The following VWA7 variants were observed in gnomAD, a reference collection of about 807,000 sequenced individuals.
VWA7 encodes von Willebrand factor A domain containing 7.
A neutral mutation model predicts 83.1 loss-of-function variants in VWA7; 66 were observed. The observed-to-expected ratio is 0.79, with a 90% CI of 0.65 to 0.98. The LOEUF is 0.98. Among genes scored for constraint, VWA7 ranks in the 50% least tolerant of loss-of-function variants. The pLI, the probability that VWA7 is intolerant of heterozygous loss-of-function variation, is 0.00. For missense variants in VWA7, 1,080 were observed against 1,160.2 expected (o/e 0.93, Z 1.00); for synonymous variants, 424 against 488.5 (o/e 0.87, Z 1.74).
chr6:31,771,882 T>G (rs1050312283), intron 7 of VWA7: 1 of 147,778 alleles, frequency 6.8e-6, no homozygotes, highest in Admixed American at 7.0e-5. Flanking sequence ...TCCCAGCTAC[T>G]CAGGAGGCTG....
intron 10 of VWA7, 110 bp downstream of exon 10, chr6:31,768,908 G>T: frequency 8.2e-7 from 1 of 1,214,246 alleles, no homozygotes; most frequent in Non-Finnish European, 1.1e-6. Flanking sequence ...CCTGCCCCGT[G>T]ACTGGAAGAA....
intron 4 of VWA7, 50 bp from the exon 5 acceptor site, chr6:31,774,676 T>C: frequency 6.7e-7 from 1 of 1,502,994 alleles, no homozygotes; most frequent in Non-Finnish European, 9.1e-7. Context: ...ACCCCCAGCC[T>C]TTATCCCCAC....
chr6:31,770,975 C>T (rs1338545747), intron 7 of VWA7, among the ~76,000 whole-genome samples: 4 of 142,586 alleles, frequency 2.8e-5, no homozygotes, highest in African/African-American at 1.0e-4. Context: ...GCACTCCAAC[C>T]TGGGTGACAG....
chr6:31,770,042 C>T lies in VWA7; in HGVS notation c.1159G>A (p.Gly387Arg), dbSNP rs139629177. Residue 387 changes from glycine (G) to arginine (R), a missense_variant, in exon 8 of 17, where the codon GGG becomes AGG. Coordinates refer to ENST00000375688, the MANE Select transcript of VWA7 (RefSeq NM_025258.3). ...WQQLNEIHAL[G>R]GGDEPEMCLS... ...CACATCTCAGGCTCGTCTCCACCCC[C>T]CAAGGCATGGATCTCATTAAGCTGT... 28 of 1,612,882 alleles carry T rather than the reference C, an allele frequency of 1.7e-5. No homozygotes were observed. Among genetic ancestry groups the T allele is most frequent in the South Asian group, 7.7e-5 (7 of 91,076 alleles).
At position 31,775,231 on chromosome 6, in the gene VWA7, A is replaced by C; in HGVS notation, c.610+102T>G. 9.8e-7 allele frequency: 1 copy of C among 1,023,832 alleles called. No individual in the cohort carries two copies. The highest frequency in any genetic ancestry group is 1.4e-6 in the Non-Finnish European group (1 of 715,110). 63.4% of individuals were successfully genotyped at this position (1,023,832 alleles called of 1,614,324 possible). A position where few individuals can be genotyped will look rare whatever the true frequency, so the allele number is the denominator to read the frequency against. On this transcript the variant is annotated intron_variant, in intron 4 of 16. Transcript: ENST00000375688. The surrounding 1 kb of genome is among the most constrained non-coding windows in gnomAD (Gnocchi z 5.9). ...GGGACCTCAGTCCTTGTGGAGATTA[A>C]GTAACATCATACCCTCTGGGACTTC... is the stretch of plus-strand genomic sequence containing the variant.
In VWA7 at chr6:31,775,470, T is replaced by C. The variant is rs1372539895; in HGVS notation, c.514-41A>G. ...GGAGAAGGGGAGTGAGGCACTAGTC[T>C]GGCCTTTCTCACCATCTCCAGCACT... On this transcript the variant is annotated intron_variant, in intron 3 of 16. Coordinates refer to ENST00000375688, the MANE Select transcript of VWA7 (RefSeq NM_025258.3). This position sits in a 1 kb window ranked among gnomAD's most constrained non-coding sequence, Gnocchi z 5.9. 6.4e-7 allele frequency: 1 copy of C among 1,569,316 alleles called. No homozygotes were observed. The highest frequency in any genetic ancestry group is 1.4e-5 in the African/African-American group (1 of 73,932).
chr6:31,768,867 C>A, intron 10 of VWA7, 151 bp downstream of exon 10: 1 of 866,388 alleles, frequency 1.2e-6, no homozygotes, highest in Non-Finnish European at 1.7e-6. Context: ...AGTGGCTAGT[C>A]ATGGATCTAA....
Position 31,769,311 on chromosome 6 carries a change from G to A in VWA7, c.1318-108C>T, listed in dbSNP as rs1271915864. ...CTCCAGAGCTGATGGTTTGTGATAA[G>A]GTCTCTGCCTGCCTTCTGGCTGCTG... On this transcript the variant is annotated intron_variant, in intron 9 of 16. Transcript: ENST00000375688. The surrounding 1 kb of genome is among the most constrained non-coding windows in gnomAD (Gnocchi z 4.5). 1.3e-5 allele frequency: 17 copies of A among 1,355,474 alleles called. No individual in the cohort carries two copies. Among genetic ancestry groups the A allele is most frequent in the African/African-American group, 1.4e-5 (1 of 69,096 alleles). The allele number at this position is 1,355,474 out of a possible 1,614,324, so 84.0% of individuals were successfully genotyped here.
intron 7 of VWA7, among the ~76,000 whole-genome samples, chr6:31,772,584 C>CTTTTTTTTTTTTTTTTTTTTT (rs9279415): frequency 1.1e-3 from 38 of 35,078 alleles, no homozygotes; most frequent in East Asian, 2.4e-3. Flanking sequence ...TCTTTCTTTT[C>CTTTTTTTTTTTTTTTTTTTTT]TTTTTTTTTT....
intron 13 of VWA7, 29 bp downstream of exon 13, chr6:31,767,125 TTAGG>T (rs1295057031): frequency 1.4e-6 from 1 of 691,854 alleles, no homozygotes; most frequent in Non-Finnish European, 2.3e-6. Flanking sequence ...AAACTGGGGG[TTAGG>T]TGGGTGGGGG....
At position 31,766,786 on chromosome 6, in the gene VWA7, G is replaced by A. The variant is rs772330803; in HGVS notation, c.1883-22C>T. On this transcript the variant is annotated intron_variant, in intron 13 of 16. Coordinates refer to ENST00000375688, the MANE Select transcript of VWA7 (RefSeq NM_025258.3). The surrounding 1 kb of genome is among the most constrained non-coding windows in gnomAD (Gnocchi z 4.9). ...AGACCTGGGACAGGGGCGAGGAGGG[G>A]AGAACATTGTGAGATTCGGAGACAC... The A allele has an allele frequency of 4.4e-6, 7 of 1,580,476 alleles. No individual in the cohort carries two copies. The highest frequency in any genetic ancestry group is 6.0e-6 in the Non-Finnish European group (7 of 1,158,864).
chr6:31,775,386 T>C lies in VWA7; in HGVS notation c.557A>G (p.Gln186Arg). 1 of 1,612,624 alleles carries C rather than the reference T, an allele frequency of 6.2e-7. No homozygotes were observed. The highest frequency in any genetic ancestry group is 8.5e-7 in the Non-Finnish European group (1 of 1,179,818). ...HSNWVELGEQ[Q>R]PHPHLLWPRQ... ...TGGCCAGAGGAGGTGAGGGTGTGGC[T>C]GCTGCTCGCCCAGCTCCACCCAGTT... Residue 186 changes from glutamine (Q) to arginine (R), a missense_variant, in exon 4 of 17, where the codon CAG (glutamine) becomes CGG (arginine). Transcript: ENST00000375688. This position sits in a 1 kb window ranked among gnomAD's most constrained non-coding sequence, Gnocchi z 5.9.
rs1214571514 is a variant in VWA7 at position 31,773,218 on chromosome 6, G to A, written c.917+24C>T. The A allele has an allele frequency of 6.3e-7, 1 of 1,594,300 alleles. No individual in the cohort carries two copies. The highest frequency in any genetic ancestry group is 8.5e-7 in the Non-Finnish European group (1 of 1,170,944). ...CGCAGGAGCGCCTCCCCATGAAGGG[G>A]TCCATCCCCAGGAGGCCACTCACCT... On this transcript the variant is annotated intron_variant, in intron 6 of 16. Transcript: ENST00000375688. This position sits in a 1 kb window ranked among gnomAD's most constrained non-coding sequence, Gnocchi z 5.3.
chr6:31,774,757 T>G, intron 4 of VWA7, 131 bp from the exon 5 acceptor site: 2 of 690,738 alleles, frequency 2.9e-6, no homozygotes, highest in Non-Finnish European at 4.8e-6. Context: ...CTAGCAAAGC[T>G]TTCTGAACTA....
intron 7 of VWA7, among the ~76,000 whole-genome samples, 176 bp from the exon 8 acceptor site, chr6:31,770,289 C>T (rs1222777850): frequency 6.6e-6 from 1 of 151,910 alleles, no homozygotes; most frequent in African/African-American, 2.4e-5. Flanking sequence ...CACCTGTAAT[C>T]CCAGCATTTT....
chr6:31,776,288 T>C lies in VWA7; in HGVS notation c.235-46A>G, dbSNP rs757020263. The C allele has an allele frequency of 3.0e-5, 48 of 1,583,128 alleles. No individual in the cohort carries two copies. Among genetic ancestry groups the C allele is most frequent in the Non-Finnish European group, 4.0e-5 (47 of 1,164,304 alleles). ...CGGGGCTCCAGGGAGGCCCTTTGGATTGACTGTTGCCCACCTTATCTCAGC... is the reference window on the plus strand; with the variant it reads ...CGGGGCTCCAGGGAGGCCCTTTGGACTGACTGTTGCCCACCTTATCTCAGC... On this transcript the variant is annotated intron_variant, in intron 2 of 16. Coordinates refer to ENST00000375688, the MANE Select transcript of VWA7 (RefSeq NM_025258.3). The surrounding 1 kb of genome is among the most constrained non-coding windows in gnomAD (Gnocchi z 6.2).
Position 31,773,380 on chromosome 6 carries a change from C to A in VWA7, c.779G>T (p.Gly260Val). 1.2e-6 allele frequency: 2 copies of A among 1,606,516 alleles called. No homozygotes were observed. The highest frequency in any genetic ancestry group is 1.7e-6 in the Non-Finnish European group (2 of 1,176,790). The change falls in exon 6 of 17, where the codon GGC becomes GTC. Residue 260 changes from glycine to valine, a missense_variant. Coordinates refer to ENST00000375688, the MANE Select transcript of VWA7 (RefSeq NM_025258.3). The surrounding 1 kb of genome is among the most constrained non-coding windows in gnomAD (Gnocchi z 5.3). ...TGGGGATGTGCTGTCCTTGTTGATGCCTCCCCTCGGTGGCTGGGAGCTGCT... is the reference window on the plus strand; with the variant it reads ...TGGGGATGTGCTGTCCTTGTTGATGACTCCCCTCGGTGGCTGGGAGCTGCT... ...DRSSSQPPRG[G>V]INKDSTSPGF...
Position 31,776,292 on chromosome 6 carries a change from C to T in VWA7, c.235-50G>A. 1 of 1,576,812 alleles carries T rather than the reference C, an allele frequency of 6.3e-7. No individual in the cohort carries two copies. The highest frequency in any genetic ancestry group is 1.2e-5 in the South Asian group (1 of 85,792). On this transcript the variant is annotated intron_variant, in intron 2 of 16. Transcript: ENST00000375688. The surrounding 1 kb of genome is among the most constrained non-coding windows in gnomAD (Gnocchi z 6.2). The stretch of plus-strand genomic sequence containing the variant: ...GCTCCAGGGAGGCCCTTTGGATTGA[C>T]TGTTGCCCACCTTATCTCAGCAACT...
intron 4 of VWA7, 26 bp from the exon 5 acceptor site, chr6:31,774,652 C>T (rs1812519727): frequency 6.3e-7 from 1 of 1,590,264 alleles, no homozygotes; most frequent in Non-Finnish European, 8.6e-7. Flanking sequence ...AGGGCTAGAA[C>T]CCAAGATTCT....
Sources: allele counts gnomAD v4.1 joint callset (sites outside exome capture counted in the v4.1 genomes callset), GRCh38; gene constraint gnomAD v4.1.1; non-coding constraint Gnocchi (gnomAD v3.1); transcripts MANE v1.5; gene names NCBI Gene and HGNC (gene_info 2026-07-23, HGNC 2026-07-21).